Variants in SEC23A observed in about 807,000 individuals in gnomAD.
The protein encoded by SEC23A is SEC23 homolog A, COPII component.
Under a neutral mutation model 103.7 loss-of-function variants are expected in SEC23A, and 56 were observed. That is an observed-to-expected ratio of 0.54 (90% CI 0.44 to 0.67). The LOEUF (loss-of-function observed/expected upper bound fraction) is 0.67. SEC23A is among the 30% of genes least tolerant of loss of function. SEC23A has a pLI of 0.00. For missense variants in SEC23A, 784 were observed against 936.4 expected (o/e 0.84, Z 2.12); for synonymous variants, 281 against 293.0 (o/e 0.96, Z 0.42).
Position 39,093,220 on chromosome 14 carries a change from A to C in SEC23A, c.246T>G (p.Leu82=). 6.2e-7 allele frequency: 1 copy of C among 1,612,778 alleles called. No individual in the cohort carries two copies. The highest frequency in any genetic ancestry group is 8.5e-7 in the Non-Finnish European group (1 of 1,179,812). The change falls in exon 3 of 20, where the codon CTT becomes CTG. Residue 82 remains leucine, a synonymous_variant. Coordinates refer to ENST00000307712, the MANE Select transcript of SEC23A (RefSeq NM_006364.4). ...TTTGGTAACAAAAGTTGCAAGCCCA[A>C]AGTTTTGCTCGATAATCCACTTGAC... The part of the protein sequence containing the change: ...PLCQVDYRAK[L]WACNFCYQRN...
chr14:39,056,743 G>T (rs8014508), intron 13 of SEC23A, among the ~76,000 whole-genome samples: 1 of 152,072 alleles, frequency 6.6e-6, no homozygotes, highest in Non-Finnish European at 1.5e-5. Context: ...GATTACAGGC[G>T]TGAGCACCAC....
intron 2 of SEC23A, among the ~76,000 whole-genome samples, chr14:39,093,625 G>A (rs961333065): frequency 7.9e-5 from 12 of 152,116 alleles, no homozygotes; most frequent in African/African-American, 2.9e-4. Flanking sequence ...TCCAGGCGTG[G>A]TGGCACATGC....
intron 9 of SEC23A, 146 bp from the exon 10 acceptor site, chr14:39,067,442 T>A: frequency 1.2e-6 from 1 of 817,748 alleles, no homozygotes; most frequent in East Asian, 2.7e-5. Context: ...TTTTTAATAT[T>A]CAAATATATA....
chr14:39,041,846 G>C (rs886227249), intron 17 of SEC23A, among the ~76,000 whole-genome samples: 3 of 146,234 alleles, frequency 2.1e-5, no homozygotes, highest in African/African-American at 7.5e-5. Context: ...TCCAGCCTGG[G>C]TGAAAGAGCA....
intron 13 of SEC23A, among the ~76,000 whole-genome samples, chr14:39,056,337 TCAC>T (rs752623732): frequency 4.6e-5 from 7 of 152,238 alleles, no homozygotes; most frequent in Non-Finnish European, 7.3e-5. Context: ...TTCACCATGT[TCAC>T]TAGGCTAGTC....
At position 39,039,013 on chromosome 14, in the gene SEC23A, C is replaced by A. The variant is rs1330273457; in HGVS notation, c.2208+18G>T. The A allele has an allele frequency of 3.2e-6, 5 of 1,586,874 alleles. No individual in the cohort carries two copies. The Admixed American group carries it at 6.7e-5, about 21-fold the overall frequency. On this transcript the variant is annotated intron_variant, in intron 19 of 19. Transcript: ENST00000307712. ...ATACACAAAGAAATAATTTCCAAGACCTGCTATTTAAACTTACCTGCCCCC... is the reference window on the plus strand; with the variant it reads ...ATACACAAAGAAATAATTTCCAAGAACTGCTATTTAAACTTACCTGCCCCC...
chr14:39,091,570 C>T lies in SEC23A; in HGVS notation c.510G>A (p.Gly170=), dbSNP rs752105470. ...CAAGTTCATGAACCTGAACCATTCT[C>T]CCAAAAGTAATAAGTCCAACCAAAG... is the stretch of plus-strand genomic sequence containing the variant. ...PTALVGLITF[G]RMVQVHELGC... The change falls in exon 5 of 20, where the codon GGG becomes GGA. Residue 170 remains glycine (G), a synonymous_variant. Coordinates refer to ENST00000307712, the MANE Select transcript of SEC23A (RefSeq NM_006364.4). 6.2e-6 allele frequency: 10 copies of T among 1,613,996 alleles called. No homozygotes were observed. The highest frequency in any genetic ancestry group is 7.6e-6 in the Non-Finnish European group (9 of 1,179,992).
chr14:39,088,134 G>A lies in SEC23A; in HGVS notation c.604-1126C>T, dbSNP rs182186701. ...ACAAAAACCCAGGATCATACAACCA[G>A]AAGAGTTTAAGATTTGAATCCAGGA... On this transcript the variant is annotated intron_variant, in intron 5 of 19. Transcript: ENST00000307712. 272 of 152,268 alleles carry A rather than the reference G, an allele frequency of 1.8e-3. 2 individuals carry two copies. Among genetic ancestry groups the A allele is most frequent in the African/African-American group, 6.1e-3 (253 of 41,546 alleles). 9.4% of individuals were successfully genotyped at this position (152,268 alleles called of 1,614,324 possible).
chr14:39,097,937 A>C (rs1594490683), intron 1 of SEC23A, among the ~76,000 whole-genome samples: 1 of 152,136 alleles, frequency 6.6e-6, no homozygotes, highest in South Asian at 2.1e-4. Context: ...ACACACAAAA[A>C]AATTAGCTGG....
At chr14:39,091,014 T>C in intron 5 of SEC23A, 1 of 379,786 alleles carries the variant, frequency 2.6e-6, no homozygotes, top group Non-Finnish European at 5.0e-6. Context: ...CCACCACTGC[T>C]GCCCCAGCTG....
chr14:39,050,846 CTGAAGTTGGA>C (rs993978781), intron 14 of SEC23A, among the ~76,000 whole-genome samples: 1 of 149,534 alleles, frequency 6.7e-6, no homozygotes, highest in Non-Finnish European at 1.5e-5. Flanking sequence ...GAACAGATCC[CTGAAGTTGGA>C]TGCACAATGG....
intron 7 of SEC23A, among the ~76,000 whole-genome samples, chr14:39,079,431 TAAG>T (rs1482304013): frequency 6.6e-6 from 1 of 152,198 alleles, no homozygotes; most frequent in Non-Finnish European, 1.5e-5. Flanking sequence ...CTAATTTCTA[TAAG>T]TGGTTATTGG....
At chr14:39,046,766 T>C (rs1885852768) in intron 15 of SEC23A, among the ~76,000 whole-genome samples, 1 of 152,194 alleles carries the variant, frequency 6.6e-6, no homozygotes, top group Non-Finnish European at 1.5e-5. Flanking sequence ...GAGGGAGAGT[T>C]AGGCCTGAAT....
intron 10 of SEC23A, among the ~76,000 whole-genome samples, 170 bp downstream of exon 10, chr14:39,067,003 G>T (rs1272724740): frequency 6.6e-6 from 1 of 152,130 alleles, no homozygotes; most frequent in Non-Finnish European, 1.5e-5. Flanking sequence ...CTCACACATT[G>T]AATGATGACA....
At chr14:39,057,323 T>C (rs1886282766) in intron 13 of SEC23A, among the ~76,000 whole-genome samples, 1 of 151,806 alleles carries the variant, frequency 6.6e-6, no homozygotes, top group African/African-American at 2.4e-5. Flanking sequence ...AAAAAAACTT[T>C]AAAGTCATAA....
intron 15 of SEC23A, among the ~76,000 whole-genome samples, chr14:39,045,786 C>T (rs1306938864): frequency 6.6e-6 from 1 of 152,176 alleles, no homozygotes; most frequent in Non-Finnish European, 1.5e-5. Context: ...AATCTTCACA[C>T]GTCTGACCAT....
intron 12 of SEC23A, 76 bp downstream of exon 12, chr14:39,063,248 A>T: frequency 2.4e-6 from 2 of 835,192 alleles, no homozygotes; most frequent in Non-Finnish European, 4.1e-6. Context: ...AAAAATATGA[A>T]CTATTCATGG....
At chr14:39,091,430 A>G in intron 5 of SEC23A, 47 bp downstream of exon 5, 2 of 1,354,148 alleles carry the variant, frequency 1.5e-6, no homozygotes, top group Non-Finnish European at 2.1e-6. Context: ...ATAAACATAT[A>G]TAGAGTAATT....
intron 14 of SEC23A, among the ~76,000 whole-genome samples, chr14:39,053,309 G>A (rs1216963906): frequency 1.3e-5 from 2 of 152,184 alleles, no homozygotes; most frequent in African/African-American, 2.4e-5. Context: ...ATGATGTCAT[G>A]TCAGATTTCT....
Sources: gnomAD v4.1 joint callset for allele counts (sites outside exome capture counted in the v4.1 genomes callset) on GRCh38, gnomAD v4.1.1 for gene constraint, MANE v1.5 for transcripts, NCBI Gene and HGNC (gene_info 2026-07-23, HGNC 2026-07-21) for gene names.